ANGPTL7: variants seen among roughly 807,000 people sequenced by gnomAD.
ANGPTL7 encodes angiopoietin-related protein 7.
Under a neutral mutation model 38.8 loss-of-function variants are expected in ANGPTL7, and 37 were observed. The observed-to-expected ratio is 0.95, with a 90% CI of 0.73 to 1.25. The LOEUF (loss-of-function observed/expected upper bound fraction) is 1.25, where lower values mean the gene tolerates loss of function less well. Among genes scored for constraint, ANGPTL7 ranks in the 50% most tolerant of loss-of-function variants. The probability of loss-of-function intolerance (pLI) is 0.00; values close to 1 mark genes in which losing one functional copy is unlikely to be tolerated. For synonymous variants in ANGPTL7, 166 were observed against 163.2 expected, an observed-to-expected ratio of 1.02 and a Z score of -0.13; for missense variants, 427 against 438.6, an observed-to-expected ratio of 0.97 and a Z score of 0.24.
In ANGPTL7 at chr1:11,189,720, G is replaced by A; in HGVS notation, c.141G>A (p.Glu47=). The A allele has an allele frequency of 3.1e-6, 5 of 1,614,204 alleles. No individual in the cohort carries two copies. The highest frequency in any genetic ancestry group is 4.2e-6 in the Non-Finnish European group (5 of 1,180,032). The change falls in exon 1 of 5, where the codon GAG becomes GAA. Residue 47 remains glutamate, a synonymous_variant. Transcript: ENST00000376819. ...QPQLKAANCC[E]EVKELKAQVA... ...AGCTCAAAGCGGCCAACTGCTGTGA[G>A]GAGGTGAAGGAGCTCAAGGCCCAAG...
Position 11,195,233 on chromosome 1 carries a change from G to C in ANGPTL7, c.*210G>C, listed in dbSNP as rs1645740654. On this transcript the variant is annotated 3_prime_UTR_variant, in exon 5 of 5. Coordinates refer to ENST00000376819, the MANE Select transcript of ANGPTL7 (RefSeq NM_021146.4). ...AGGATGAACTATTTAAACCCACTGG[G>C]TCCTGCCACATCCTTCTCAAGGTGG... 3.6e-6 allele frequency: 2 copies of C among 563,144 alleles called. No homozygotes were observed. Among genetic ancestry groups the C allele is most frequent in the Non-Finnish European group, 6.1e-6 (2 of 326,546 alleles). 34.9% of individuals were successfully genotyped at this position (563,144 alleles called of 1,614,324 possible).
Position 11,195,027 on chromosome 1 carries a change from G to A in ANGPTL7, c.*4G>A. 6.2e-7 allele frequency: 1 copy of A among 1,613,122 alleles called. No individual in the cohort carries two copies. Among genetic ancestry groups the A allele is most frequent in the Non-Finnish European group, 8.5e-7 (1 of 1,179,872 alleles). ...CCCAGAAGACTTCAAGCCTTAAAAGGAGGCTGCCGTGGAGCACGGATACAG... is the reference window on the plus strand; with the variant it reads ...CCCAGAAGACTTCAAGCCTTAAAAGAAGGCTGCCGTGGAGCACGGATACAG... On this transcript the variant is annotated 3_prime_UTR_variant, in exon 5 of 5. Transcript: ENST00000376819.
At position 11,195,167 on chromosome 1, in the gene ANGPTL7, A is replaced by C. The variant is rs1571135692; in HGVS notation, c.*144A>C. On this transcript the variant is annotated 3_prime_UTR_variant, in exon 5 of 5. Transcript: ENST00000376819. The stretch of plus-strand genomic sequence containing the variant: ...CCAAAGAAAGAATAAGTCTCCAAGG[A>C]GCACAAAAAAATCATATGTACCAAG... 1.1e-6 allele frequency: 1 copy of C among 940,266 alleles called. No individual in the cohort carries two copies. The allele number at this position is 940,266 out of a possible 1,614,324, so 58.2% of individuals were successfully genotyped here. A position where few individuals can be genotyped will look rare whatever the true frequency, so the allele number is the denominator to read the frequency against.
intron 1 of ANGPTL7, among the ~76,000 whole-genome samples, chr1:11,191,896 G>A (rs1339588933): frequency 1.3e-5 from 2 of 152,162 alleles, no homozygotes; most frequent in East Asian, 3.8e-4. Context: ...TATAGTGGCG[G>A]CTGTCTAAGA....
In ANGPTL7 at chr1:11,194,617, G is replaced by A. The variant is rs910797684; in HGVS notation, c.829G>A (p.Asp277Asn). 2.5e-6 allele frequency: 4 copies of A among 1,614,216 alleles called. No homozygotes were observed. The highest frequency in any genetic ancestry group is 3.4e-6 in the Non-Finnish European group (4 of 1,180,032). Residue 277 changes from aspartate to asparagine, a missense_variant, in exon 4 of 5, where the codon GAC becomes AAC. Coordinates refer to ENST00000376819, the MANE Select transcript of ANGPTL7 (RefSeq NM_021146.4). ...NNTAFSTKDK[D>N]NDNCLDKCAQ... ...CACAGCCTTCAGCACCAAGGACAAG[G>A]ACAATGACAACTGCTTGGACAAGTG...
At chr1:11,191,915 T>G (rs922986310) in intron 1 of ANGPTL7, among the ~76,000 whole-genome samples, 1 of 152,166 alleles carries the variant, frequency 6.6e-6, no homozygotes, top group Non-Finnish European at 1.5e-5. Flanking sequence ...GAAGTCTGAA[T>G]CTATCTGACA....
intron 2 of ANGPTL7, 68 bp downstream of exon 2, chr1:11,192,438 A>C: frequency 7.7e-7 from 1 of 1,303,308 alleles, no homozygotes; most frequent in Non-Finnish European, 1.1e-6. Flanking sequence ...GGACTACAAC[A>C]ACAGGGCCAT....
In ANGPTL7 at chr1:11,189,923, A is replaced by G. The variant is rs202182115; in HGVS notation, c.344A>G (p.Gln115Arg). The G allele has an allele frequency of 1.2e-4, 201 of 1,613,398 alleles. No homozygotes were observed. Among genetic ancestry groups the G allele is most frequent in the Middle Eastern group, 9.9e-4 (6 of 6,060 alleles). Reference protein sequence around the residue: ...MNNQIDIMQLQAAQTVTQTSA... With the variant: ...MNNQIDIMQLRAAQTVTQTSA... ...AACCAAATTGACATCATGCAGCTGC[A>G]GGCAGCACAGACGGTCACTCAGACC... Residue 115 changes from glutamine (Q) to arginine (R), a missense_variant, in exon 1 of 5, where the codon CAG becomes CGG. By Grantham distance (43) the Gln-to-Arg change is conservative. Transcript: ENST00000376819.
chr1:11,191,266 T>C (rs1645520225), intron 1 of ANGPTL7, among the ~76,000 whole-genome samples: 2 of 152,200 alleles, frequency 1.3e-5, no homozygotes. Flanking sequence ...CAGTTACCCT[T>C]ATATTCTATA....
At position 11,194,910 on chromosome 1, in the gene ANGPTL7, C is replaced by T. The variant is rs1645722343; in HGVS notation, c.928C>T (p.Leu310=). The T allele has an allele frequency of 6.2e-7, 1 of 1,614,054 alleles. No homozygotes were observed. ...DSNLNGVYYR[L]GEHNKHLDGI... is the part of the protein sequence containing the mutation. ...CAACCTCAATGGAGTGTACTACCGC[C>T]TGGGTGAGCACAATAAGCACCTGGA... The change falls in exon 5 of 5, where the codon CTG becomes TTG. Residue 310 remains leucine, a synonymous_variant. Transcript: ENST00000376819.
In ANGPTL7 at chr1:11,193,735, G is replaced by A; in HGVS notation, c.633G>A (p.Arg211=). The part of the protein sequence containing the change: ...DFWLGNEHIH[R]LSRQPTRLRV... ...GGCTGGGGAACGAACACATCCACCG[G>A]CTCTCCAGACAGCCAACCCGGCTGC... The change falls in exon 3 of 5, where the codon CGG becomes CGA. Residue 211 remains arginine, a synonymous_variant. Coordinates refer to ENST00000376819, the MANE Select transcript of ANGPTL7 (RefSeq NM_021146.4). The A allele has an allele frequency of 1.2e-6, 2 of 1,614,128 alleles. No individual in the cohort carries two copies. The highest frequency in any genetic ancestry group is 8.5e-7 in the Non-Finnish European group (1 of 1,180,018).
rs1246339684 is a variant in ANGPTL7, at chr1:11,194,934, G to T, written c.952G>T (p.Asp318Tyr). Residue 318 changes from aspartate to tyrosine, a missense_variant, in exon 5 of 5, where the codon GAT becomes TAT. By Grantham distance (160) the Asp-to-Tyr change is radical. Coordinates refer to ENST00000376819, the MANE Select transcript of ANGPTL7 (RefSeq NM_021146.4). The part of the protein sequence containing the change: ...YRLGEHNKHL[D>Y]GITWYGWHGS... ...CCTGGGTGAGCACAATAAGCACCTG[G>T]ATGGCATCACCTGGTATGGCTGGCA... 1 of 1,614,132 alleles carries T rather than the reference G, an allele frequency of 6.2e-7. No individual in the cohort carries two copies. The highest frequency in any genetic ancestry group is 2.2e-5 in the East Asian group (1 of 44,868).
chr1:11,189,570 C>A lies in ANGPTL7; in HGVS notation c.-10C>A. ...GAAGGAAGAGCCTTCCTCACCCAAACCCACAAAAGATGCTGAAAAAGCCTC... is the reference window on the plus strand; with the variant it reads ...GAAGGAAGAGCCTTCCTCACCCAAAACCACAAAAGATGCTGAAAAAGCCTC... On this transcript the variant is annotated 5_prime_UTR_variant, in exon 1 of 5. Transcript: ENST00000376819. The A allele has an allele frequency of 1.9e-6, 3 of 1,583,968 alleles. No individual in the cohort carries two copies. The highest frequency in any genetic ancestry group is 2.6e-6 in the Non-Finnish European group (3 of 1,166,082).
At chr1:11,192,493 C>T (rs991992334) in intron 2 of ANGPTL7, 123 bp downstream of exon 2, 3 of 768,612 alleles carry the variant, frequency 3.9e-6, no homozygotes, top group Non-Finnish European at 6.5e-6. Context: ...CAGTGGCTCA[C>T]ACCTGTAATC....
rs1645644083 is a variant in ANGPTL7 at position 11,193,612 on chromosome 1, C to G, written c.510C>G (p.Gly170=). 1 of 1,608,382 alleles carries G rather than the reference C, an allele frequency of 6.2e-7. No homozygotes were observed. Among genetic ancestry groups the G allele is most frequent in the African/African-American group, 1.3e-5 (1 of 74,876 alleles). ...VFCDMETSGG[G]WTIIQRRKSG... ...GTGACATGGAGACTTCAGGCGGAGG[C>G]TGGACCATCATCCAGAGACGAAAAA... is the stretch of plus-strand genomic sequence containing the variant. Residue 170 remains glycine (G), a synonymous_variant, in exon 3 of 5, where the codon GGC becomes GGG. Transcript: ENST00000376819.
At chr1:11,192,200 G>T in intron 1 of ANGPTL7, 70 bp from the exon 2 acceptor site, 1 of 1,154,486 alleles carries the variant, frequency 8.7e-7, no homozygotes. Flanking sequence ...TAAAGGCTCA[G>T]TCTCTAAACA....
intron 1 of ANGPTL7, among the ~76,000 whole-genome samples, chr1:11,191,339 A>T (rs960145905): frequency 1.3e-5 from 2 of 152,342 alleles, no homozygotes; most frequent in East Asian, 3.9e-4. Context: ...GAAATGAAGA[A>T]TAGTGATGGC....
At chr1:11,193,046 C>T (rs1571125018) in intron 2 of ANGPTL7, among the ~76,000 whole-genome samples, 1 of 152,132 alleles carries the variant, frequency 6.6e-6, no homozygotes, top group Non-Finnish European at 1.5e-5. Flanking sequence ...GGCATGGTGG[C>T]TCACACCTGT....
intron 3 of ANGPTL7, among the ~76,000 whole-genome samples, chr1:11,194,233 AAG>A (rs745482003): frequency 4.6e-5 from 7 of 152,242 alleles, no homozygotes; most frequent in Non-Finnish European, 8.8e-5. Context: ...GGAATATAGA[AAG>A]AGAGACTAAT....
Sources: gnomAD v4.1 joint callset for allele counts (sites outside exome capture counted in the v4.1 genomes callset) on GRCh38, gnomAD v4.1.1 for gene constraint, MANE v1.5 for transcripts, NCBI Gene and HGNC (gene_info 2026-07-23, HGNC 2026-07-21) for gene names.